CAMK2D: variants seen among roughly 807,000 people sequenced by gnomAD.
CAMK2D encodes calcium/calmodulin dependent protein kinase II delta.
CAMK2D carries 37 observed loss-of-function variants against 84.0 expected under a neutral mutation model. The ratio of observed to expected loss-of-function variants is 0.44; its 90% CI spans 0.34 to 0.58. The LOEUF (loss-of-function observed/expected upper bound fraction) is 0.58. CAMK2D is among the 20% of genes least tolerant of loss of function. The probability of loss-of-function intolerance (pLI) is 0.02; values close to 1 mark genes in which losing one functional copy is unlikely to be tolerated. For synonymous variants in CAMK2D, 202 were observed against 212.5 expected (o/e 0.95, Z 0.43); for missense variants, 448 against 652.5 (o/e 0.69, Z 3.41).
intron 16 of CAMK2D, among the ~76,000 whole-genome samples, chr4:113,487,083 C>G (rs1160558350): frequency 6.6e-6 from 1 of 152,188 alleles, no homozygotes; most frequent in African/African-American, 2.4e-5. Context: ...TACACAAGCT[C>G]TTTCATTAAG....
chr4:113,684,837 G>A (rs1390429838), intron 2 of CAMK2D, among the ~76,000 whole-genome samples: 2 of 152,172 alleles, frequency 1.3e-5, no homozygotes, highest in Non-Finnish European at 2.9e-5. Flanking sequence ...GCAAATCCAA[G>A]TCTTGAGGTC....
chr4:113,606,433 G>A (rs2098977669), intron 4 of CAMK2D, among the ~76,000 whole-genome samples: 1 of 151,400 alleles, frequency 6.6e-6, no homozygotes, highest in Non-Finnish European at 1.5e-5. Context: ...TCGCGCCACT[G>A]CACTCAAGCC....
rs2098782398 is a variant in CAMK2D at position 113,576,366 on chromosome 4, A to G, written c.276-24270T>C. Among the ~76,000 whole-genome samples the G allele has an allele frequency of 2.0e-5, 3 of 149,782 alleles. No homozygotes were observed. The South Asian group carries it at 6.3e-4, about 32-fold the overall frequency. ...AACAGTCAGAATTACTTTAATGAAA[A>G]TAAGATATTCTCAGTATAGAGACTT... On this transcript the variant is annotated intron_variant, in intron 4 of 20. Coordinates refer to ENST00000511664, the MANE Select transcript of CAMK2D (RefSeq NM_001321571.2).
At chr4:113,512,998 T>C (rs1476410277) in intron 12 of CAMK2D, 1 of 155,976 alleles carries the variant, frequency 6.4e-6, no homozygotes, top group East Asian at 1.9e-4. Context: ...AACGCTGAGA[T>C]CGTAAATGAG....
chr4:113,576,518 T>C (rs1471292389), intron 4 of CAMK2D, among the ~76,000 whole-genome samples: 1 of 151,960 alleles, frequency 6.6e-6, no homozygotes, highest in African/African-American at 2.4e-5. Flanking sequence ...TGTGTGTGTG[T>C]GCATGTGCCC....
chr4:113,558,007 T>C (rs1213520106), intron 4 of CAMK2D, among the ~76,000 whole-genome samples: 1 of 152,178 alleles, frequency 6.6e-6, no homozygotes, highest in Non-Finnish European at 1.5e-5. Context: ...GTACAGTTCT[T>C]GGAGTTGAAC....
intron 3 of CAMK2D, among the ~76,000 whole-genome samples, chr4:113,657,006 C>T (rs1449879048): frequency 6.6e-6 from 1 of 152,128 alleles, no homozygotes; most frequent in East Asian, 1.9e-4. Flanking sequence ...AAGTCCTTGG[C>T]CTGCCTTTAG....
chr4:113,493,552 C>G (rs2097877599), intron 16 of CAMK2D, among the ~76,000 whole-genome samples: 1 of 152,118 alleles, frequency 6.6e-6, no homozygotes, highest in African/African-American at 2.4e-5. Flanking sequence ...GTGACCCGAC[C>G]TTTCTCTCTG....
chr4:113,589,696 G>C (rs1031799684), intron 4 of CAMK2D, among the ~76,000 whole-genome samples: 1 of 152,304 alleles, frequency 6.6e-6, no homozygotes, highest in East Asian at 1.9e-4. Flanking sequence ...AATTAGACAT[G>C]CAAGTAGAGA....
intron 16 of CAMK2D, among the ~76,000 whole-genome samples, chr4:113,496,194 A>G (rs1048771685): frequency 1.3e-5 from 2 of 152,188 alleles, no homozygotes; most frequent in African/African-American, 4.8e-5. Context: ...TGCAGTTTGT[A>G]CTGTTAACTG....
intron 2 of CAMK2D, among the ~76,000 whole-genome samples, chr4:113,730,307 G>A (rs2099562129): frequency 6.6e-6 from 1 of 151,982 alleles, no homozygotes; most frequent in South Asian, 2.1e-4. Context: ...TTGTTTTCAT[G>A]TCTTGTGTTT....
At position 113,609,221 on chromosome 4, in the gene CAMK2D, G is replaced by C; in HGVS notation, c.221-15C>G. On this transcript the variant is annotated splice_polypyrimidine_tract_variant and intron_variant, in intron 3 of 20. Transcript: ENST00000511664. ...ATGAAGTCGCACTAGAAAAAAATAA[G>C]AGAAGAAAAATTGTGTTATACCTAT... The C allele has an allele frequency of 6.7e-7, 1 of 1,502,420 alleles. No homozygotes were observed. The highest frequency in any genetic ancestry group is 9.3e-7 in the Non-Finnish European group (1 of 1,078,724). 93.1% of individuals were successfully genotyped at this position (1,502,420 alleles called of 1,614,324 possible). A position where few individuals can be genotyped will look rare whatever the true frequency, so the allele number is the denominator to read the frequency against.
At chr4:113,454,631 T>A (rs1190950957) in intron 20 of CAMK2D, 116 bp from the exon 21 acceptor site, 8 of 678,964 alleles carry the variant, frequency 1.2e-5, no homozygotes, top group Non-Finnish European at 1.9e-5. Context: ...AACAAATAGA[T>A]TGAAAACACT....
intron 16 of CAMK2D, among the ~76,000 whole-genome samples, chr4:113,487,563 A>G (rs2097777660): frequency 1.3e-5 from 2 of 152,074 alleles, no homozygotes; most frequent in Admixed American, 6.6e-5. Context: ...TTAATTTTAG[A>G]TATTAAAGAA....
intron 2 of CAMK2D, among the ~76,000 whole-genome samples, chr4:113,742,048 T>C (rs2099594208): frequency 6.6e-6 from 1 of 152,220 alleles, no homozygotes. Context: ...ATGGTACTTA[T>C]CTATCCAAAT....
chr4:113,503,351 G>A (rs1375485869), intron 14 of CAMK2D: 2 of 516,118 alleles, frequency 3.9e-6, no homozygotes, highest in African/African-American at 1.9e-5. Context: ...CAAGGACACT[G>A]GAGCTAAAAC....
At chr4:113,650,013 G>C (rs1481796316) in intron 3 of CAMK2D, among the ~76,000 whole-genome samples, 1 of 151,912 alleles carries the variant, frequency 6.6e-6, no homozygotes, top group African/African-American at 2.4e-5. Context: ...ATGAACCCAG[G>C]AGGCAGAGGT....
chr4:113,656,490 A>C (rs1383952070), intron 3 of CAMK2D, among the ~76,000 whole-genome samples: 1 of 152,122 alleles, frequency 6.6e-6, no homozygotes, highest in African/African-American at 2.4e-5. Flanking sequence ...CTAGGAAACC[A>C]TTTTACACAT....
At chr4:113,600,281 T>C (rs945307406) in intron 4 of CAMK2D, among the ~76,000 whole-genome samples, 1 of 152,182 alleles carries the variant, frequency 6.6e-6, no homozygotes, top group Non-Finnish European at 1.5e-5. Flanking sequence ...GCATAAATTA[T>C]GGACTCTAGG....
Sources: allele counts gnomAD v4.1 joint callset (sites outside exome capture counted in the v4.1 genomes callset), GRCh38; gene constraint gnomAD v4.1.1; transcripts MANE v1.5; gene names NCBI Gene and HGNC (gene_info 2026-07-23, HGNC 2026-07-21).